The following GRID1 variants were observed in gnomAD, a reference collection of about 807,000 sequenced individuals.
GRID1 encodes the protein glutamate ionotropic receptor delta type subunit 1, also known as glutamate receptor ionotropic, delta-1.
Under a neutral mutation model 98.0 loss-of-function variants are expected in GRID1, and 28 were observed. The ratio of observed to expected loss-of-function variants is 0.29; its 90% CI spans 0.21 to 0.39. The LOEUF is 0.39. Ranked by LOEUF, GRID1 falls within the 10% of genes least tolerant of loss-of-function variation. The pLI is 1.00. For missense variants in GRID1, 1,111 were observed against 1,340.5 expected (o/e 0.83, Z 2.67); for synonymous variants, 553 against 538.5 (o/e 1.03, Z -0.37).
At chr10:85,626,440 C>T (rs930515220) in intron 13 of GRID1, among the ~76,000 whole-genome samples, 1 of 152,204 alleles carries the variant, frequency 6.6e-6, no homozygotes, top group African/African-American at 2.4e-5. Flanking sequence ...ACAGACCACA[C>T]ACAAATGGCA....
chr10:86,365,434 C>T lies in GRID1; in HGVS notation c.79+880G>A, dbSNP rs549551182. Among the ~76,000 whole-genome samples, 1 of 151,636 alleles carries T rather than the reference C, an allele frequency of 6.6e-6. No individual in the cohort carries two copies. The highest frequency in any genetic ancestry group is 6.6e-5 in the Admixed American group (1 of 15,258). The stretch of plus-strand genomic sequence containing the variant: ...CTCCCGTGTTGCTCCCAACTCCCAC[C>T]CACTCCCCCTCGGCGCGCCCACTCC... On this transcript the variant is annotated intron_variant, in intron 1 of 15. Coordinates refer to ENST00000327946, the MANE Select transcript of GRID1 (RefSeq NM_017551.3). This position sits in a 1 kb window ranked among gnomAD's most constrained non-coding sequence, Gnocchi z 4.8.
chr10:86,160,000 TACC>T (rs908674039), intron 3 of GRID1, among the ~76,000 whole-genome samples: 23 of 152,128 alleles, frequency 1.5e-4, no homozygotes, highest in African/African-American at 5.5e-4. Flanking sequence ...CCACCACTAC[TACC>T]ACCATCATCA....
intron 8 of GRID1, among the ~76,000 whole-genome samples, chr10:85,841,791 A>C: frequency 6.6e-6 from 1 of 152,148 alleles, no homozygotes; most frequent in Non-Finnish European, 1.5e-5. Context: ...ATCTCACACC[A>C]ATCAAAATGG....
intron 2 of GRID1, among the ~76,000 whole-genome samples, chr10:86,236,505 G>A (rs1197412861): frequency 6.6e-6 from 1 of 152,142 alleles, no homozygotes; most frequent in Non-Finnish European, 1.5e-5. Context: ...GGTCTGCATG[G>A]TCTTGGCCTT....
At chr10:86,037,290 G>A (rs1267236980) in intron 4 of GRID1, among the ~76,000 whole-genome samples, 1 of 152,128 alleles carries the variant, frequency 6.6e-6, no homozygotes, top group African/African-American at 2.4e-5. Flanking sequence ...TGAAATAAGG[G>A]AACATCCGGG....
At chr10:85,906,567 G>C (rs548023791) in intron 5 of GRID1, among the ~76,000 whole-genome samples, 1 of 152,246 alleles carries the variant, frequency 6.6e-6, no homozygotes, top group South Asian at 2.1e-4. Context: ...AACCACAGTG[G>C]AGTTAAATTA....
At chr10:85,762,580 C>T (rs1160358785) in intron 8 of GRID1, among the ~76,000 whole-genome samples, 1 of 152,188 alleles carries the variant, frequency 6.6e-6, no homozygotes, top group Non-Finnish European at 1.5e-5. Context: ...AATCAGCTTT[C>T]TCCTTTCAGA....
At chr10:85,837,315 G>A (rs1474815136) in intron 8 of GRID1, among the ~76,000 whole-genome samples, 1 of 152,168 alleles carries the variant, frequency 6.6e-6, no homozygotes, top group Non-Finnish European at 1.5e-5. Context: ...AGTGCACATA[G>A]TCTCCATCAG....
chr10:86,353,801 C>G (rs1345079001), intron 2 of GRID1, among the ~76,000 whole-genome samples: 1 of 152,212 alleles, frequency 6.6e-6, no homozygotes, highest in East Asian at 1.9e-4. Flanking sequence ...GGCAGGTACC[C>G]TGGGAGCCTC....
In GRID1 at chr10:86,162,429, T is replaced by C. The variant is rs1845336555; in HGVS notation, c.521-23405A>G. 3.3e-5 allele frequency among the ~76,000 whole-genome samples: 5 copies of C among 152,266 alleles called. No homozygotes were observed. In the South Asian group the frequency reaches 1.0e-3, roughly 32 times the overall value. On this transcript the variant is annotated intron_variant, in intron 3 of 15. Transcript: ENST00000327946. ...AAAGCCCAGCCACACAGCTCCTCCT[T>C]TCCCAAGCCCACTAGGGACAGCTAA...
chr10:85,635,623 A>T (rs762540183), intron 13 of GRID1, among the ~76,000 whole-genome samples: 1 of 152,218 alleles, frequency 6.6e-6, no homozygotes, highest in Non-Finnish European at 1.5e-5. Context: ...CCCTGAGGAC[A>T]AATAAATAAA....
chr10:85,746,637 T>C (rs1841999898), intron 8 of GRID1, among the ~76,000 whole-genome samples: 1 of 152,124 alleles, frequency 6.6e-6, no homozygotes, highest in South Asian at 2.1e-4. Context: ...AGAGGCTACA[T>C]GTAGATGTCC....
At chr10:85,680,180 G>A (rs1305735399) in intron 12 of GRID1, among the ~76,000 whole-genome samples, 3 of 152,158 alleles carry the variant, frequency 2.0e-5, no homozygotes, top group Admixed American at 2.0e-4. Context: ...GAATGAGGCT[G>A]CAGGCAGACC....
intron 4 of GRID1, among the ~76,000 whole-genome samples, chr10:86,017,975 C>G (rs752521869): frequency 6.6e-6 from 1 of 152,156 alleles, no homozygotes; most frequent in Non-Finnish European, 1.5e-5. Flanking sequence ...GCTGCCTCAC[C>G]GCAGATTTCC....
intron 8 of GRID1, among the ~76,000 whole-genome samples, chr10:85,830,794 T>A (rs1030624305): frequency 3.3e-5 from 5 of 152,118 alleles, no homozygotes; most frequent in African/African-American, 9.7e-5. Flanking sequence ...ATAGCTATTA[T>A]TAAAAAATAA....
Position 85,623,894 on chromosome 10 carries a change from C to G in GRID1, c.2194-3861G>C, listed in dbSNP as rs1842883143. On this transcript the variant is annotated intron_variant, in intron 13 of 15. Coordinates refer to ENST00000327946, the MANE Select transcript of GRID1 (RefSeq NM_017551.3). The stretch of plus-strand genomic sequence containing the variant: ...GGACAGAGCATCAGCAGGAATCTAG[C>G]TTCCTTTCAACCTTGTGCTGTGGTC... Among the ~76,000 whole-genome samples the G allele has an allele frequency of 5.3e-5, 8 of 152,344 alleles. No homozygotes were observed. In the South Asian group the frequency reaches 1.7e-3, roughly 32 times the overall value.
At chr10:85,939,409 A>T (rs536693503) in intron 4 of GRID1, among the ~76,000 whole-genome samples, 1 of 152,226 alleles carries the variant, frequency 6.6e-6, no homozygotes, top group Non-Finnish European at 1.5e-5. Context: ...GGTAGAGTAG[A>T]TGTCTCACTA....
chr10:86,019,260 A>G (rs1390296339), intron 4 of GRID1, among the ~76,000 whole-genome samples: 1 of 152,178 alleles, frequency 6.6e-6, no homozygotes, highest in East Asian at 1.9e-4. Flanking sequence ...AGCGCTGACA[A>G]TGCTTGTCCT....
At chr10:86,245,651 T>C (rs1846715030) in intron 2 of GRID1, among the ~76,000 whole-genome samples, 1 of 152,244 alleles carries the variant, frequency 6.6e-6, no homozygotes, top group African/African-American at 2.4e-5. Context: ...GTGACAGTGC[T>C]GTCCCCAAGT....
Sources: allele counts gnomAD v4.1 joint callset (sites outside exome capture counted in the v4.1 genomes callset), GRCh38; gene constraint gnomAD v4.1.1; non-coding constraint Gnocchi (gnomAD v3.1); transcripts MANE v1.5; gene names NCBI Gene and HGNC (gene_info 2026-07-23, HGNC 2026-07-21).